Variants in FHIT observed in about 807,000 individuals in gnomAD.
The protein encoded by FHIT is bis(5'-adenosyl)-triphosphatase.
A neutral mutation model predicts 17.9 loss-of-function variants in FHIT; 19 were observed. The ratio of observed to expected loss-of-function variants is 1.06; its 90% CI spans 0.74 to 1.56. The LOEUF is 1.56. FHIT is among the 40% of genes most tolerant of loss of function. The pLI, the probability that FHIT is intolerant of heterozygous loss-of-function variation, is 0.00. For synonymous variants in FHIT, 81 were observed against 69.7 expected, an observed-to-expected ratio of 1.16 and a Z score of -0.81; for missense variants, 248 against 189.2, an observed-to-expected ratio of 1.31 and a Z score of -1.82.
intron 5 of FHIT, among the ~76,000 whole-genome samples, chr3:60,085,599 G>A (rs1468378611): frequency 6.6e-6 from 1 of 152,154 alleles, no homozygotes; most frequent in African/African-American, 2.4e-5. Context: ...CAAGTTGAAT[G>A]CCACTTGTTG....
At chr3:60,897,575 A>T (rs1705893959) in intron 3 of FHIT, among the ~76,000 whole-genome samples, 1 of 152,264 alleles carries the variant, frequency 6.6e-6, no homozygotes, top group Middle Eastern at 3.4e-3. Context: ...GCAATTTCTT[A>T]TACTGGCTAA....
intron 2 of FHIT, among the ~76,000 whole-genome samples, chr3:61,044,292 C>T (rs1413014479): frequency 6.6e-6 from 1 of 152,114 alleles, no homozygotes; most frequent in East Asian, 1.9e-4. Flanking sequence ...CCTTAAATGA[C>T]CTGGTGGAGC....
chr3:59,878,988 G>A (rs1333824321), intron 8 of FHIT, among the ~76,000 whole-genome samples: 1 of 150,944 alleles, frequency 6.6e-6, no homozygotes, highest in African/African-American at 2.5e-5. Context: ...TAGGCTTGGT[G>A]TGTTAATCAA....
At chr3:60,100,356 C>T (rs1487185762) in intron 5 of FHIT, among the ~76,000 whole-genome samples, 1 of 152,032 alleles carries the variant, frequency 6.6e-6, no homozygotes, top group Non-Finnish European at 1.5e-5. Flanking sequence ...TGTACTCCAT[C>T]CTGGGCAACA....
intron 5 of FHIT, among the ~76,000 whole-genome samples, chr3:60,397,365 G>A (rs1470367589): frequency 6.6e-6 from 1 of 152,110 alleles, no homozygotes; most frequent in African/African-American, 2.4e-5. Context: ...GGAAGAGATA[G>A]GAGGTTTGGG....
intron 4 of FHIT, among the ~76,000 whole-genome samples, chr3:60,704,675 C>T (rs191731669): frequency 2.0e-5 from 3 of 152,194 alleles, no homozygotes; most frequent in South Asian, 2.1e-4. Context: ...TTGTTGAATG[C>T]CATTCTATTT....
chr3:61,169,122 T>G (rs1015640427), intron 2 of FHIT, among the ~76,000 whole-genome samples: 3 of 152,034 alleles, frequency 2.0e-5, no homozygotes, highest in Non-Finnish European at 2.9e-5. Context: ...CTACACATCA[T>G]CTATAAACAC....
intron 7 of FHIT, among the ~76,000 whole-genome samples, chr3:59,926,105 A>G (rs1705647858): frequency 6.6e-6 from 1 of 152,226 alleles, no homozygotes; most frequent in African/African-American, 2.4e-5. Flanking sequence ...TTAAAGTCCC[A>G]TGACACATTC....
rs543606905 is a variant in FHIT at position 59,900,204 on chromosome 3, G to A, written c.348+22142C>T. Among the ~76,000 whole-genome samples, 5 of 152,248 alleles carry A rather than the reference G, an allele frequency of 3.3e-5. No individual in the cohort carries two copies. In the East Asian group the frequency reaches 9.7e-4, roughly 30 times the overall value. Reference sequence around the variant, plus strand: ...GGCCTGGACAGCAAGAATGACTTAAGCAACAGACTTTCTTGGTGGCTCCAG... The same window carrying A: ...GGCCTGGACAGCAAGAATGACTTAAACAACAGACTTTCTTGGTGGCTCCAG... On this transcript the variant is annotated intron_variant, in intron 8 of 9. Coordinates refer to ENST00000492590, the MANE Select transcript of FHIT (RefSeq NM_002012.4).
chr3:61,240,913 C>T (rs2106919737), intron 1 of FHIT, among the ~76,000 whole-genome samples: 1 of 152,304 alleles, frequency 6.6e-6, no homozygotes. Context: ...ACTCTGACTA[C>T]TCATCTATGT....
chr3:60,078,385 G>C (rs938737199), intron 5 of FHIT, among the ~76,000 whole-genome samples: 13 of 152,108 alleles, frequency 8.5e-5, no homozygotes, highest in African/African-American at 3.1e-4. Context: ...TGCAAAATCT[G>C]ATTCTAACCA....
chr3:60,138,793 C>T (rs985585041), intron 5 of FHIT, among the ~76,000 whole-genome samples: 1 of 152,146 alleles, frequency 6.6e-6, no homozygotes, highest in Non-Finnish European at 1.5e-5. Flanking sequence ...AGTACCACTA[C>T]TTCTGCCACC....
intron 2 of FHIT, among the ~76,000 whole-genome samples, chr3:61,067,098 G>A (rs2034638470): frequency 6.6e-6 from 1 of 152,170 alleles, no homozygotes; most frequent in South Asian, 2.1e-4. Flanking sequence ...TGAGGACCCT[G>A]GCAGCACATG....
chr3:60,049,726 G>A (rs1701795842), intron 5 of FHIT, among the ~76,000 whole-genome samples: 1 of 151,908 alleles, frequency 6.6e-6, no homozygotes, highest in Non-Finnish European at 1.5e-5. Context: ...GTACTTTTTT[G>A]TGTGGCTACT....
rs1559880796 is a variant in FHIT, at chr3:60,976,083, C to CATTTTT, written c.-111+65963_-111+65964insAAAAAT. Among the ~76,000 whole-genome samples the CATTTTT allele has an allele frequency of 6.0e-4, 55 of 91,208 alleles. 1 individual carries two copies. Among genetic ancestry groups the CATTTTT allele is most frequent in the African/African-American group, 2.0e-3 (48 of 23,620 alleles). The allele number at this position is 91,208 out of a possible 152,430, so 59.8% of individuals were successfully genotyped here. On this transcript the variant is annotated intron_variant, in intron 3 of 9. Coordinates refer to ENST00000492590, the MANE Select transcript of FHIT (RefSeq NM_002012.4). Reference sequence around the variant, plus strand: ...ACCTCCAAACATACTTTGTATCTTTCGTTTTTCTTTTTCTTTTTTTTTTTT... The same window carrying CATTTTT: ...ACCTCCAAACATACTTTGTATCTTTCATTTTTGTTTTTCTTTTTCTTTTTTTTTTTT...
intron 8 of FHIT, among the ~76,000 whole-genome samples, chr3:59,765,992 C>T (rs1262037403): frequency 6.6e-6 from 1 of 152,130 alleles, no homozygotes; most frequent in Admixed American, 6.5e-5. Context: ...AATATACACA[C>T]TTTAGGAATC....
At chr3:60,408,143 A>C (rs535635244) in intron 5 of FHIT, among the ~76,000 whole-genome samples, 1 of 152,302 alleles carries the variant, frequency 6.6e-6, no homozygotes, top group African/African-American at 2.4e-5. Context: ...AGGCACATTA[A>C]TTCTATAAAC....
At position 59,894,433 on chromosome 3, in the gene FHIT, G is replaced by A. The variant is rs554277673; in HGVS notation, c.348+27913C>T. Among the ~76,000 whole-genome samples, 4 of 152,210 alleles carry A rather than the reference G, an allele frequency of 2.6e-5. No homozygotes were observed. In the South Asian group the frequency reaches 8.3e-4, roughly 32 times the overall value. ...TAAACATTAGCATCATAACCAGGAGGACTAATTGCCATTGTTGCTAATTGG... is the reference window on the plus strand; with the variant it reads ...TAAACATTAGCATCATAACCAGGAGAACTAATTGCCATTGTTGCTAATTGG... On this transcript the variant is annotated intron_variant, in intron 8 of 9. Coordinates refer to ENST00000492590, the MANE Select transcript of FHIT (RefSeq NM_002012.4).
intron 4 of FHIT, among the ~76,000 whole-genome samples, chr3:60,686,875 C>G (rs1454311687): frequency 6.6e-6 from 1 of 152,186 alleles, no homozygotes; most frequent in Non-Finnish European, 1.5e-5. Flanking sequence ...GAAATTTAAC[C>G]TATACTACTT....
Sources: allele counts gnomAD v4.1 joint callset (sites outside exome capture counted in the v4.1 genomes callset), GRCh38; gene constraint gnomAD v4.1.1; transcripts MANE v1.5; gene names NCBI Gene and HGNC (gene_info 2026-07-23, HGNC 2026-07-21).